The following COL25A1 variants were observed in gnomAD, a reference collection of about 807,000 sequenced individuals.
COL25A1 encodes collagen alpha-1(XXV) chain.
COL25A1 carries 103 observed loss-of-function variants against 128.4 expected under a neutral mutation model. The ratio of observed to expected loss-of-function variants is 0.80; its 90% CI spans 0.68 to 0.94. The LOEUF is 0.94. COL25A1 is among the 40% of genes least tolerant of loss of function. COL25A1 has a pLI of 0.00. For synonymous variants in COL25A1, 279 were observed against 277.2 expected (o/e 1.01, Z -0.06); for missense variants, 745 against 840.0 (o/e 0.89, Z 1.40).
At chr4:109,196,682 A>C (rs922712795) in intron 3 of COL25A1, among the ~76,000 whole-genome samples, 5 of 152,204 alleles carry the variant, frequency 3.3e-5, no homozygotes, top group South Asian at 2.1e-4. Context: ...GTGTGTTCAG[A>C]AGTAAGAACA....
intron 3 of COL25A1, among the ~76,000 whole-genome samples, chr4:109,175,283 C>A (rs1488755653): frequency 3.3e-5 from 5 of 152,190 alleles, no homozygotes; most frequent in African/African-American, 1.2e-4. Flanking sequence ...ATAGTTTGTG[C>A]CAAACCCAAA....
chr4:109,137,532 A>G (rs1769911739), intron 3 of COL25A1, among the ~76,000 whole-genome samples: 1 of 151,898 alleles, frequency 6.6e-6, no homozygotes, highest in African/African-American at 2.4e-5. Context: ...ACTGGCAACA[A>G]CCCCCTAATC....
chr4:109,205,347 T>C (rs1032468792), intron 3 of COL25A1, among the ~76,000 whole-genome samples: 3 of 152,164 alleles, frequency 2.0e-5, no homozygotes, highest in African/African-American at 4.8e-5. Context: ...GCTGGGCATA[T>C]GGCTGCCTAG....
intron 3 of COL25A1, among the ~76,000 whole-genome samples, chr4:109,211,246 G>T (rs1336233746): frequency 1.7e-5 from 1 of 60,402 alleles, no homozygotes; most frequent in African/African-American, 8.8e-5. Flanking sequence ...GTATATATAT[G>T]AAACAATATA....
intron 3 of COL25A1, among the ~76,000 whole-genome samples, chr4:109,083,354 T>G (rs1272271422): frequency 6.6e-6 from 1 of 151,878 alleles, no homozygotes; most frequent in African/African-American, 2.4e-5. Flanking sequence ...AACAATTTTA[T>G]TACTCCATAC....
intron 3 of COL25A1, among the ~76,000 whole-genome samples, chr4:109,137,157 T>C (rs750442805): frequency 6.6e-6 from 1 of 152,230 alleles, no homozygotes; most frequent in African/African-American, 2.4e-5. Flanking sequence ...TAATACACCA[T>C]GTTAAAGAAC....
At chr4:109,206,550 C>T (rs994915006) in intron 3 of COL25A1, among the ~76,000 whole-genome samples, 1 of 152,108 alleles carries the variant, frequency 6.6e-6, no homozygotes, top group Non-Finnish European at 1.5e-5. Context: ...ACTGAAGGAC[C>T]ACCTTTCTAA....
intron 5 of COL25A1, among the ~76,000 whole-genome samples, chr4:109,023,722 A>G (rs1283278183): frequency 1.3e-5 from 2 of 152,204 alleles, no homozygotes; most frequent in African/African-American, 4.8e-5. Flanking sequence ...CAAGAGATTC[A>G]CAAGCGCTGA....
At chr4:108,886,490 G>GTTTT (rs201934712) in intron 18 of COL25A1, among the ~76,000 whole-genome samples, 2,391 of 41,834 alleles carry the variant, frequency 0.057, 85 homozygotes, top group South Asian at 0.081. Flanking sequence ...GTGTGTGTGT[G>GTTTT]TGTTTAGCTC....
In COL25A1 at chr4:109,201,317, T is replaced by C. The variant is rs181920433; in HGVS notation, c.367+99266A>G. The stretch of plus-strand genomic sequence containing the variant: ...ACAACCAAGTGGGATTTATGCCAGG[T>C]ATAAAAGACCAATTTGACATTTAAA... On this transcript the variant is annotated intron_variant, in intron 3 of 37. Coordinates refer to ENST00000399132, the MANE Select transcript of COL25A1 (RefSeq NM_198721.4). 2.3e-3 allele frequency among the ~76,000 whole-genome samples: 344 copies of C among 152,238 alleles called. 1 individual carries two copies. Among genetic ancestry groups the C allele is most frequent in the African/African-American group, 7.6e-3 (316 of 41,552 alleles).
At chr4:109,009,732 G>C (rs1247486885) in intron 6 of COL25A1, among the ~76,000 whole-genome samples, 1 of 152,118 alleles carries the variant, frequency 6.6e-6, no homozygotes, top group Non-Finnish European at 1.5e-5. Context: ...TGAATTTGTT[G>C]TTTGTTGAGT....
At chr4:109,105,149 T>C (rs1387581796) in intron 3 of COL25A1, among the ~76,000 whole-genome samples, 1 of 152,148 alleles carries the variant, frequency 6.6e-6, no homozygotes, top group Non-Finnish European at 1.5e-5. Flanking sequence ...CTAAATACTT[T>C]TGCATTTGTT....
At chr4:108,896,571 A>T (rs1742178129) in intron 16 of COL25A1, 96 bp downstream of exon 16, 1 of 947,214 alleles carries the variant, frequency 1.1e-6, no homozygotes, top group Admixed American at 1.8e-5. Flanking sequence ...ATATTAAGCA[A>T]CTCTCACTCA....
At chr4:109,187,528 T>C (rs1189764685) in intron 3 of COL25A1, among the ~76,000 whole-genome samples, 2 of 152,188 alleles carry the variant, frequency 1.3e-5, no homozygotes, top group African/African-American at 4.8e-5. Context: ...AGTTAATAAA[T>C]GCAAAATGCT....
chr4:109,148,056 C>A (rs1771125715), intron 3 of COL25A1, among the ~76,000 whole-genome samples: 1 of 151,978 alleles, frequency 6.6e-6, no homozygotes, highest in African/African-American at 2.4e-5. Flanking sequence ...TAAAAGGGCC[C>A]AGGGAGTGAA....
rs1370330132 is a variant in COL25A1, at chr4:109,086,476, C to T, written c.368-36297G>A. Among the ~76,000 whole-genome samples, 4 of 152,268 alleles carry T rather than the reference C, an allele frequency of 2.6e-5. No homozygotes were observed. The East Asian group carries it at 5.8e-4, about 22-fold the overall frequency. ...TATTTTCCAGATAATTTATCATCTT[C>T]TATTTTTGCTTTGAGATATGTTTTG... On this transcript the variant is annotated intron_variant, in intron 3 of 37. Coordinates refer to ENST00000399132, the MANE Select transcript of COL25A1 (RefSeq NM_198721.4).
At chr4:108,843,198 A>T (rs567351912) in intron 30 of COL25A1, among the ~76,000 whole-genome samples, 1 of 151,308 alleles carries the variant, frequency 6.6e-6, no homozygotes, top group Non-Finnish European at 1.5e-5. Context: ...AAGAAAGAAG[A>T]AGGAAGAAGG....
intron 3 of COL25A1, among the ~76,000 whole-genome samples, chr4:109,209,631 T>C (rs946376652): frequency 2.0e-5 from 3 of 152,156 alleles, no homozygotes; most frequent in Non-Finnish European, 4.4e-5. Flanking sequence ...AAACCTTCAG[T>C]AAATAATTAT....
chr4:108,901,515 C>A (rs1186893272), intron 13 of COL25A1, among the ~76,000 whole-genome samples: 1 of 151,888 alleles, frequency 6.6e-6, no homozygotes, highest in African/African-American at 2.4e-5. Context: ...ACTCTCCTGG[C>A]AAAAAACTTT....
Sources: allele counts gnomAD v4.1 joint callset (sites outside exome capture counted in the v4.1 genomes callset), GRCh38; gene constraint gnomAD v4.1.1; transcripts MANE v1.5; gene names NCBI Gene and HGNC (gene_info 2026-07-23, HGNC 2026-07-21).